QTMAN: variants seen among roughly 807,000 people sequenced by gnomAD.
The protein encoded by QTMAN is queuosine-tRNA mannosyltransferase, also known as tRNA-queuosine alpha-mannosyltransferase.
the QTMAN span, among the ~76,000 whole-genome samples, chr2:144,226,228 CA>C: frequency 6.6e-6 from 1 of 152,066 alleles, no homozygotes; most frequent in East Asian, 1.9e-4. Flanking sequence ...TGGAGAAATG[CA>C]AAGCATAAAG....
the QTMAN span, among the ~76,000 whole-genome samples, chr2:144,047,946 T>C: frequency 6.6e-6 from 1 of 152,246 alleles, no homozygotes; most frequent in Non-Finnish European, 1.5e-5. Flanking sequence ...AATCATTCTT[T>C]GCCATTTGAT....
At chr2:144,215,306 A>G in the QTMAN span, among the ~76,000 whole-genome samples, 5 of 151,384 alleles carry the variant, frequency 3.3e-5, no homozygotes, top group African/African-American at 1.2e-4. Context: ...ACATATATAT[A>G]TATACACACA....
At chr2:143,996,800 T>C in the QTMAN span, among the ~76,000 whole-genome samples, 1 of 152,096 alleles carries the variant, frequency 6.6e-6, no homozygotes, top group Admixed American at 6.6e-5. Context: ...TGAAAACATA[T>C]ACACCGAACC....
chr2:143,976,285 T>A, the QTMAN span, among the ~76,000 whole-genome samples: 1 of 152,270 alleles, frequency 6.6e-6, no homozygotes, highest in South Asian at 2.1e-4. Context: ...TTCCTTAGTT[T>A]CTTGTTACTT....
the QTMAN span, among the ~76,000 whole-genome samples, chr2:144,010,773 G>A: frequency 2.6e-5 from 4 of 152,078 alleles, no homozygotes; most frequent in African/African-American, 7.2e-5. Flanking sequence ...TGAATAGCCT[G>A]GTTAAGTGAC....
At chr2:144,019,998 C>T in the QTMAN span, among the ~76,000 whole-genome samples, 2 of 147,508 alleles carry the variant, frequency 1.4e-5, no homozygotes, top group African/African-American at 5.3e-5. Context: ...TCTAATCATC[C>T]GTCGCAGTTC....
At chr2:143,978,995 G>GC in the QTMAN span, among the ~76,000 whole-genome samples, 2 of 152,242 alleles carry the variant, frequency 1.3e-5, 1 homozygote, top group South Asian at 4.1e-4. Context: ...TTTGATGTTT[G>GC]CAAGAATTGT....
the QTMAN span, among the ~76,000 whole-genome samples, chr2:144,278,622 T>C: frequency 2.0e-5 from 3 of 151,506 alleles, no homozygotes; most frequent in Non-Finnish European, 2.9e-5. Flanking sequence ...TCTGGAGTAA[T>C]GACAGATCAA....
At chr2:144,054,946 A>G in the QTMAN span, among the ~76,000 whole-genome samples, 1 of 152,168 alleles carries the variant, frequency 6.6e-6, no homozygotes, top group African/African-American at 2.4e-5. Context: ...TGGTTTTATA[A>G]TATGTATCTG....
At chr2:143,967,052 T>A in the QTMAN span, among the ~76,000 whole-genome samples, 3 of 152,212 alleles carry the variant, frequency 2.0e-5, no homozygotes, top group African/African-American at 7.2e-5. Context: ...GAAAGAGAAA[T>A]GCTTGACTCA....
chr2:144,181,220 T>C, the QTMAN span, among the ~76,000 whole-genome samples: 6 of 152,222 alleles, frequency 3.9e-5, no homozygotes, highest in Non-Finnish European at 8.8e-5. Context: ...TGTTGTGAAG[T>C]CAGAAAAATA....
At chr2:144,010,062 C>CAAAAAAAAAAAAAAA in the QTMAN span, among the ~76,000 whole-genome samples, 2 of 74,882 alleles carry the variant, frequency 2.7e-5, no homozygotes, top group Non-Finnish European at 3.0e-5. Flanking sequence ...AAGGATTCAC[C>CAAAAAAAAAAAAAAA]AAAAAAAAAA....
chr2:144,109,374 T>C, the QTMAN span, among the ~76,000 whole-genome samples: 1 of 152,228 alleles, frequency 6.6e-6, no homozygotes, highest in East Asian at 1.9e-4. Flanking sequence ...CCCTTCCTTA[T>C]ACCTTACACA....
the QTMAN span, among the ~76,000 whole-genome samples, chr2:144,112,765 T>C: frequency 6.6e-6 from 1 of 152,290 alleles, no homozygotes; most frequent in South Asian, 2.1e-4. Flanking sequence ...CAGGCAGTAA[T>C]GAGGTATCCC....
the QTMAN span, chr2:144,208,830 T>C: frequency 7.3e-5 from 100 of 1,371,230 alleles, no homozygotes; most frequent in Non-Finnish European, 9.5e-5. Flanking sequence ...AAAATGTATA[T>C]TTTTTCCATT....
At chr2:144,204,510 T>C in the QTMAN span, among the ~76,000 whole-genome samples, 1 of 152,158 alleles carries the variant, frequency 6.6e-6, no homozygotes, top group Non-Finnish European at 1.5e-5. Context: ...CTGGAGAGGA[T>C]GTGGAGAAAT....
the QTMAN span, among the ~76,000 whole-genome samples, chr2:144,327,004 G>C: frequency 6.6e-6 from 1 of 152,150 alleles, no homozygotes; most frequent in African/African-American, 2.4e-5. Flanking sequence ...TACGACGTGG[G>C]TGTGTTAGGC....
At chr2:144,187,537 T>A in the QTMAN span, among the ~76,000 whole-genome samples, 1 of 152,012 alleles carries the variant, frequency 6.6e-6, no homozygotes, top group Non-Finnish European at 1.5e-5. Flanking sequence ...TCAACATGAG[T>A]TTTGATGGGT....
At chr2:144,310,403 T>C in the QTMAN span, among the ~76,000 whole-genome samples, 3 of 152,194 alleles carry the variant, frequency 2.0e-5, no homozygotes, top group Non-Finnish European at 2.9e-5. Flanking sequence ...ACAAAGACTT[T>C]ACCTTTTACA....
Sources: gnomAD v4.1 joint callset for allele counts (sites outside exome capture counted in the v4.1 genomes callset) on GRCh38, gnomAD v4.1.1 for gene constraint, MANE v1.5 for transcripts, NCBI Gene and HGNC (gene_info 2026-07-23, HGNC 2026-07-21) for gene names.